The following CYB5RL variants were observed in gnomAD, a reference collection of about 807,000 sequenced individuals.
CYB5RL encodes cytochrome b5 reductase like.
Under a neutral mutation model 37.5 loss-of-function variants are expected in CYB5RL, and 38 were observed. The observed-to-expected ratio is 1.01, with a 90% CI of 0.78 to 1.33. The LOEUF is 1.33. Among genes scored for constraint, CYB5RL ranks in the 40% most tolerant of loss-of-function variants. CYB5RL has a pLI of 0.00. For synonymous variants in CYB5RL, 141 were observed against 151.9 expected (o/e 0.93, Z 0.53); for missense variants, 388 against 394.4 (o/e 0.98, Z 0.14).
intron 4 of CYB5RL, among the ~76,000 whole-genome samples, chr1:54,189,206 A>ATAAC (rs1257528695): frequency 6.6e-6 from 1 of 151,878 alleles, no homozygotes; most frequent in Admixed American, 6.6e-5. Context: ...AAATAAATAA[A>ATAAC]TAAATGCATA....
intron 6 of CYB5RL, among the ~76,000 whole-genome samples, chr1:54,180,608 A>T (rs891760650): frequency 7.0e-6 from 1 of 142,344 alleles, no homozygotes; most frequent in Non-Finnish European, 1.5e-5. Flanking sequence ...CGTCTCAAAG[A>T]AAAAAAAAAA....
intron 1 of CYB5RL, among the ~76,000 whole-genome samples, chr1:54,198,027 CAAAAAAAAAAAAAAAAAA>C (rs575486117): frequency 6.8e-4 from 53 of 78,510 alleles, no homozygotes; most frequent in South Asian, 1.7e-3. Flanking sequence ...GACTCTGTCT[CAAAAAAAAAAAAAAAAAA>C]AAAAAAAAAA....
chr1:54,186,600 T>C (rs758661843), intron 5 of CYB5RL, among the ~76,000 whole-genome samples: 3 of 152,104 alleles, frequency 2.0e-5, no homozygotes, highest in Non-Finnish European at 4.4e-5. Context: ...TGAAGAACTG[T>C]CTCCAGGCTT....
In CYB5RL at chr1:54,179,001, T is replaced by G. The variant is rs139065999; in HGVS notation, c.744+148A>C. The G allele has an allele frequency of 1.0e-4, 89 of 880,052 alleles. No homozygotes were observed. The African/African-American group carries it at 1.3e-3, about 13-fold the overall frequency. 54.5% of individuals were successfully genotyped at this position (880,052 alleles called of 1,614,324 possible). ...TCTGTATAATGAACATGAGAACACC[T>G]GCCTTCCATACAGGTGGGTGCTCCA... On this transcript the variant is annotated intron_variant, in intron 7 of 7. Transcript: ENST00000534324.
chr1:54,184,442 C>T (rs1159536514), intron 5 of CYB5RL, 177 bp from the exon 6 acceptor site: 6 of 580,682 alleles, frequency 1.0e-5, no homozygotes, highest in Non-Finnish European at 1.8e-5. Context: ...TCAGATGAGG[C>T]CCAGAAGCTT....
At chr1:54,188,736 C>A (rs1643924314) in intron 4 of CYB5RL, among the ~76,000 whole-genome samples, 1 of 152,214 alleles carries the variant, frequency 6.6e-6, no homozygotes, top group Non-Finnish European at 1.5e-5. Flanking sequence ...GGGTTCCTCA[C>A]CACTGTTCTT....
chr1:54,175,785 G>A (rs562652702), intron 7 of CYB5RL: 44 of 270,612 alleles, frequency 1.6e-4, no homozygotes, highest in African/African-American at 7.4e-4. Context: ...TTATAATTTA[G>A]AGATAATTTA....
At chr1:54,189,591 C>A (rs888459672) in intron 4 of CYB5RL, among the ~76,000 whole-genome samples, 2 of 152,190 alleles carry the variant, frequency 1.3e-5, no homozygotes, top group Non-Finnish European at 2.9e-5. Flanking sequence ...CTGCACCCCA[C>A]AGTGACATGG....
chr1:54,198,460 GTA>G (rs1644035946), intron 1 of CYB5RL, among the ~76,000 whole-genome samples: 1 of 151,376 alleles, frequency 6.6e-6, no homozygotes, highest in Non-Finnish European at 1.5e-5. Flanking sequence ...AGCCTCCCGA[GTA>G]GCTGGGACTA....
chr1:54,192,362 T>G (rs1214508557), intron 3 of CYB5RL, among the ~76,000 whole-genome samples: 1 of 151,948 alleles, frequency 6.6e-6, no homozygotes, highest in Non-Finnish European at 1.5e-5. Flanking sequence ...TTTTTGTACT[T>G]TTAGTAGTGA....
At chr1:54,194,139 G>C (rs1173012168) in intron 3 of CYB5RL, among the ~76,000 whole-genome samples, 2 of 151,874 alleles carry the variant, frequency 1.3e-5, no homozygotes, top group African/African-American at 4.8e-5. Flanking sequence ...GGGAGGCTGA[G>C]GCAGGTGGAT....
intron 7 of CYB5RL, among the ~76,000 whole-genome samples, 191 bp downstream of exon 7, chr1:54,178,958 T>C (rs1331408607): frequency 1.3e-5 from 2 of 152,180 alleles, no homozygotes; most frequent in Non-Finnish European, 2.9e-5. Flanking sequence ...CTTCACCCAC[T>C]GAATGTGCAT....
chr1:54,198,245 A>G (rs1343474063), intron 1 of CYB5RL, among the ~76,000 whole-genome samples: 1 of 151,906 alleles, frequency 6.6e-6, no homozygotes. Context: ...GATCAACCCA[A>G]TTCATTTTTA....
intron 1 of CYB5RL, among the ~76,000 whole-genome samples, chr1:54,197,109 C>T (rs1421675171): frequency 1.3e-5 from 2 of 152,014 alleles, no homozygotes; most frequent in African/African-American, 4.8e-5. Context: ...TGCTGAGTGC[C>T]TGTGGAGCAT....
chr1:54,198,993 T>G (rs1644046866), intron 1 of CYB5RL, among the ~76,000 whole-genome samples: 1 of 152,168 alleles, frequency 6.6e-6, no homozygotes, highest in South Asian at 2.1e-4. Context: ...GCAGAAAAGT[T>G]GGCCACGTCA....
intron 1 of CYB5RL, among the ~76,000 whole-genome samples, chr1:54,199,767 G>C (rs945005719): frequency 4.6e-5 from 7 of 152,228 alleles, no homozygotes; most frequent in Non-Finnish European, 7.3e-5. Context: ...TCACGCTCAG[G>C]AGAGGGACAG....
intron 4 of CYB5RL, among the ~76,000 whole-genome samples, chr1:54,189,956 G>A (rs1223715156): frequency 6.6e-6 from 1 of 152,176 alleles, no homozygotes; most frequent in Non-Finnish European, 1.5e-5. Context: ...TGTTTCCAGG[G>A]TTTGGTCCTG....
chr1:54,177,944 C>T (rs990718981), intron 7 of CYB5RL, among the ~76,000 whole-genome samples: 2 of 152,158 alleles, frequency 1.3e-5, no homozygotes, highest in African/African-American at 4.8e-5. Context: ...GTGCTGCCTT[C>T]CTGCCCTCCT....
rs199620217 is a variant in CYB5RL at position 54,197,312 on chromosome 1, C to CTTTTTTT, written c.-222-822_-222-821insAAAAAAA. Among the ~76,000 whole-genome samples the CTTTTTTT allele has an allele frequency of 9.5e-4, 124 of 130,330 alleles. 2 individuals are homozygous for CTTTTTTT. The highest frequency in any genetic ancestry group is 6.2e-3 in the East Asian group (26 of 4,162). 85.5% of individuals were successfully genotyped at this position (130,330 alleles called of 152,430 possible). On this transcript the variant is annotated intron_variant, in intron 1 of 7. Transcript: ENST00000534324. ...TCATAAACACTTTTCTTTTTCTTTTCTTTTCTTTTTTTTTTTTTTTTGAGA... is the reference window on the plus strand; with the variant it reads ...TCATAAACACTTTTCTTTTTCTTTTCTTTTTTTTTTTCTTTTTTTTTTTTTTTTGAGA...
Sources: allele counts gnomAD v4.1 joint callset (sites outside exome capture counted in the v4.1 genomes callset), GRCh38; gene constraint gnomAD v4.1.1; transcripts MANE v1.5; gene names NCBI Gene and HGNC (gene_info 2026-07-23, HGNC 2026-07-21).